OR8B2: variants seen among roughly 807,000 people sequenced by gnomAD.
OR8B2 encodes the protein olfactory receptor family 8 subfamily B member 2, also known as olfactory receptor 8B2.
For missense variants in OR8B2, 304 were observed against 379.6 expected, an observed-to-expected ratio of 0.80 and a Z score of 1.65; for synonymous variants, 98 against 138.2, an observed-to-expected ratio of 0.71 and a Z score of 2.04.
the OR8B2 span, chr11:124,396,447 T>G: frequency 6.8e-6 from 11 of 1,611,680 alleles, no homozygotes; most frequent in Admixed American, 1.7e-5. Context: ...AATCAGAGCT[T>G]TCCTCAGTGC....
At chr11:124,396,337 C>T in the OR8B2 span, 7 of 1,286,828 alleles carry the variant, frequency 5.4e-6, no homozygotes, top group Middle Eastern at 2.0e-4. Context: ...GTAGAAACAA[C>T]AAAATCTCTT....
At position 124,383,277 on chromosome 11, in the gene OR8B2, A is replaced by C. The variant is rs1417600868; in HGVS notation, c.67T>G (p.Phe23Val). ...ILAGLTDHPE[F>V]RQPLFFLFLV... is the part of the protein sequence containing the mutation. The stretch of plus-strand genomic sequence containing the variant: ...AACAGGAAAAAGAGGGGTTGCCGGA[A>C]CTCTGGATGATCTGTTAATCCAGCA... The change falls in exon 2 of 2, where the codon TTC becomes GTC. Residue 23 changes from phenylalanine (F) to valine (V), a missense_variant. Physicochemically the swap from Phe to Val is conservative, Grantham distance 50. Transcript: ENST00000641451. The C allele has an allele frequency of 3.1e-6, 5 of 1,613,882 alleles. No homozygotes were observed. Among genetic ancestry groups the C allele is most frequent in the African/African-American group, 1.3e-5 (1 of 74,950 alleles).
the OR8B2 span, among the ~76,000 whole-genome samples, chr11:124,394,378 T>C: frequency 1.3e-5 from 2 of 152,128 alleles, no homozygotes; most frequent in Admixed American, 1.3e-4. Flanking sequence ...ACATTTTTTG[T>C]TATAAATGCC....
rs1338185641 is a variant in OR8B2, at chr11:124,383,096, A to G, written c.248T>C (p.Met83Thr). The G allele has an allele frequency of 4.3e-6, 7 of 1,613,840 alleles. No individual in the cohort carries two copies. The highest frequency in any genetic ancestry group is 1.3e-5 in the African/African-American group (1 of 74,942). Residue 83 changes from methionine (M) to threonine (T), a missense_variant, in exon 2 of 2, where the codon ATG becomes ACG. Coordinates refer to ENST00000641451, the MANE Select transcript of OR8B2 (RefSeq NM_001005468.2). ...AATATTCTTTTTTGACACAAAGTTC[A>G]TTAGCATTTTGGGAGTGAAAACAGA... is the stretch of plus-strand genomic sequence containing the variant. Reference protein sequence around the residue: ...YSSVFTPKMLMNFVSKKNIIS... With the variant: ...YSSVFTPKMLTNFVSKKNIIS...
upstream of OR8B2, among the ~76,000 whole-genome samples, chr11:124,385,017 A>G (rs1284531425): frequency 6.6e-6 from 1 of 152,178 alleles, no homozygotes; most frequent in Non-Finnish European, 1.5e-5. Context: ...TTAGTTTTGC[A>G]TACTTTATAG....
At chr11:124,397,288 C>T in the OR8B2 span, 2 of 1,281,760 alleles carry the variant, frequency 1.6e-6, no homozygotes, top group Admixed American at 3.8e-5. Flanking sequence ...TGCTGGAACT[C>T]TGGATGATCT....
At chr11:124,386,729 T>C (rs1860707113), upstream of OR8B2, among the ~76,000 whole-genome samples, 1 of 152,118 alleles carries the variant, frequency 6.6e-6, no homozygotes, top group African/African-American at 2.4e-5. Flanking sequence ...CGTGTGCATG[T>C]GTCTTTATAG....
the OR8B2 span, among the ~76,000 whole-genome samples, chr11:124,394,741 A>G: frequency 6.6e-6 from 1 of 152,146 alleles, no homozygotes; most frequent in Non-Finnish European, 1.5e-5. Flanking sequence ...CACCCCACCG[A>G]TGGGTCTCTT....
the OR8B2 span, among the ~76,000 whole-genome samples, chr11:124,393,634 G>A: frequency 6.6e-6 from 1 of 152,128 alleles, no homozygotes; most frequent in African/African-American, 2.4e-5. Flanking sequence ...AGAGGATGTG[G>A]AGAAATAGTT....
chr11:124,382,863 C>T lies in OR8B2; in HGVS notation c.481G>A (p.Gly161Arg), dbSNP rs748581446. 16 of 1,601,152 alleles carry T rather than the reference C, an allele frequency of 1.0e-5. No individual in the cohort carries two copies. Among genetic ancestry groups the T allele is most frequent in the East Asian group, 4.5e-5 (2 of 44,588 alleles). Residue 161 changes from glycine (G) to arginine (R), a missense_variant, in exon 2 of 2, where the codon GGG becomes AGG. Physicochemically the swap from Gly to Arg is moderately radical, Grantham distance 125. Transcript: ENST00000641451. The stretch of plus-strand genomic sequence containing the variant: ...CAGAAGGTGAGTCTAAGCATGCACC[C>T]GGTGTGGGCCGTGGCTCCAGCCAAT... The part of the protein sequence containing the change: ...MGLAGATAHT[G>R]CMLRLTFCSA...
the OR8B2 span, chr11:124,396,712 T>A: frequency 3.7e-6 from 6 of 1,613,744 alleles, no homozygotes; most frequent in Non-Finnish European, 4.2e-6. Context: ...GAAATGAGGA[T>A]GGTACAACTG....
chr11:124,394,260 A>AAAATAAATAAAT, the OR8B2 span, among the ~76,000 whole-genome samples: 796 of 149,568 alleles, frequency 5.3e-3, 8 homozygotes, highest in African/African-American at 0.019. Flanking sequence ...AATAATAATA[A>AAAATAAATAAAT]AAATAAATAA....
At chr11:124,389,156 C>A (rs1458675065), upstream of OR8B2, among the ~76,000 whole-genome samples, 1 of 152,066 alleles carries the variant, frequency 6.6e-6, no homozygotes, top group African/African-American at 2.4e-5. Context: ...TCATATCACC[C>A]TTATGATCAC....
At chr11:124,387,808 A>G (rs1860725081), upstream of OR8B2, among the ~76,000 whole-genome samples, 1 of 149,612 alleles carries the variant, frequency 6.7e-6, no homozygotes, top group Non-Finnish European at 1.5e-5. Context: ...AGTCGTTGGT[A>G]GCTTGATGGG....
chr11:124,391,666 C>T, the OR8B2 span, among the ~76,000 whole-genome samples: 5 of 152,140 alleles, frequency 3.3e-5, no homozygotes, highest in South Asian at 4.1e-4. Context: ...GATTCACAGC[C>T]GAATTCTACC....
chr11:124,386,863 C>T (rs1321964993), upstream of OR8B2, among the ~76,000 whole-genome samples: 1 of 150,812 alleles, frequency 6.6e-6, no homozygotes, highest in Non-Finnish European at 1.5e-5. Flanking sequence ...AACTAGTTTA[C>T]AGTCCCACCA....
At chr11:124,392,381 A>T in the OR8B2 span, among the ~76,000 whole-genome samples, 1 of 122,600 alleles carries the variant, frequency 8.2e-6, no homozygotes, top group Non-Finnish European at 1.7e-5. Flanking sequence ...CTCAGCCCAA[A>T]ATCTCCTTAA....
chr11:124,383,482 G>A (rs551718145), intron 1 of OR8B2, 122 bp from the exon 2 acceptor site: 4,461 of 835,414 alleles, frequency 5.3e-3, no homozygotes, highest in Non-Finnish European at 6.8e-3. Context: ...GGATCTGAAT[G>A]TACTGAATGT....
At chr11:124,384,857 T>G (rs1328521116), upstream of OR8B2, among the ~76,000 whole-genome samples, 1 of 152,224 alleles carries the variant, frequency 6.6e-6, no homozygotes, top group Admixed American at 6.5e-5. Context: ...TCTGCTGTCA[T>G]GTATAAAGAT....
Sources: allele counts gnomAD v4.1 joint callset (sites outside exome capture counted in the v4.1 genomes callset), GRCh38; gene constraint gnomAD v4.1.1; transcripts MANE v1.5; gene names NCBI Gene and HGNC (gene_info 2026-07-23, HGNC 2026-07-21).